The following ASB1 variants were observed in gnomAD, a reference collection of about 807,000 sequenced individuals.
The protein encoded by ASB1 is ankyrin repeat and SOCS box protein 1.
In ASB1, 18 loss-of-function variants were observed where a neutral mutation model predicts 27.7. The observed-to-expected ratio is 0.65, with a 90% CI of 0.45 to 0.96. The LOEUF is 0.96. Among genes scored for constraint, ASB1 ranks in the 50% least tolerant of loss-of-function variants. The pLI, the probability that ASB1 is intolerant of heterozygous loss-of-function variation, is 0.00. For missense variants in ASB1, 397 were observed against 451.7 expected (o/e 0.88, Z 1.10); for synonymous variants, 189 against 187.6 (o/e 1.01, Z -0.06).
At chr2:238,446,352 T>G in intron 4 of ASB1, 32 bp from the exon 5 acceptor site, 1 of 1,559,932 alleles carries the variant, frequency 6.4e-7, no homozygotes, top group African/African-American at 1.4e-5. Context: ...TGAACCTTCC[T>G]CTATCCCTCT....
intron 1 of ASB1, among the ~76,000 whole-genome samples, chr2:238,429,685 C>G (rs998824843): frequency 2.0e-5 from 3 of 152,180 alleles, no homozygotes; most frequent in African/African-American, 7.2e-5. Flanking sequence ...GTAATCCCAG[C>G]ACTTTGGGAG....
chr2:238,427,001 C>G lies in ASB1; in HGVS notation c.-70C>G. On this transcript the variant is annotated 5_prime_UTR_variant, in exon 1 of 5. Transcript: ENST00000264607. ...CATTGCCCTCGGCGCCGGAAGTGGT[C>G]GCGGGTCGTTCTGCTTCCTGCCCGA... 1 of 1,189,408 alleles carries G rather than the reference C, an allele frequency of 8.4e-7. No individual in the cohort carries two copies. The highest frequency in any genetic ancestry group is 3.9e-5 in the South Asian group (1 of 25,622). The allele number at this position is 1,189,408 out of a possible 1,614,324, so 73.7% of individuals were successfully genotyped here.
chr2:238,444,376 A>T lies in ASB1; in HGVS notation c.529A>T (p.Thr177Ser). The T allele has an allele frequency of 6.2e-7, 1 of 1,611,416 alleles. No individual in the cohort carries two copies. Residue 177 changes from threonine (T) to serine (S), a missense_variant, in exon 4 of 5, where the codon ACT becomes TCT. Coordinates refer to ENST00000264607, the MANE Select transcript of ASB1 (RefSeq NM_001040445.3). ...GADVDVNHHL[T>S]PDVQPRFSRR... is the part of the protein sequence containing the mutation. ...TGATGTTGACGTCAACCACCACCTG[A>T]CTCCTGATGTCCAGCCTCGATTCTC...
At chr2:238,444,797 CAA>C (rs1702147007) in intron 4 of ASB1, 70 bp downstream of exon 4, 2 of 1,484,706 alleles carry the variant, frequency 1.3e-6, no homozygotes, top group Non-Finnish European at 1.8e-6. Context: ...TAGCAATAAA[CAA>C]AAAACAAAAA....
intron 3 of ASB1, among the ~76,000 whole-genome samples, chr2:238,441,997 T>A (rs1018382820): frequency 2.0e-5 from 3 of 152,216 alleles, no homozygotes; most frequent in Non-Finnish European, 2.9e-5. Flanking sequence ...ATTTTTGGAT[T>A]TTTCCCAATC....
chr2:238,436,911 A>T (rs978015438), intron 3 of ASB1, among the ~76,000 whole-genome samples: 4 of 152,088 alleles, frequency 2.6e-5, no homozygotes, highest in Non-Finnish European at 4.4e-5. Context: ...TTTGATGCTA[A>T]TTGAACTCAT....
intron 4 of ASB1, 126 bp from the exon 5 acceptor site, chr2:238,446,258 G>C (rs1702177930): frequency 9.1e-7 from 1 of 1,096,304 alleles, no homozygotes. Context: ...GTGTTTCACT[G>C]AGCGTTTTGA....
intron 3 of ASB1, among the ~76,000 whole-genome samples, chr2:238,436,748 C>G (rs939299036): frequency 7.0e-6 from 1 of 143,626 alleles, no homozygotes; most frequent in African/African-American, 2.6e-5. Flanking sequence ...ACATATTATA[C>G]TTTGTTAGGT....
chr2:238,427,003 C>T lies in ASB1; in HGVS notation c.-68C>T, dbSNP rs1217224933. 4 of 1,193,842 alleles carry T rather than the reference C, an allele frequency of 3.4e-6. No individual in the cohort carries two copies. The highest frequency in any genetic ancestry group is 4.2e-6 in the Non-Finnish European group (4 of 953,318). The allele number at this position is 1,193,842 out of a possible 1,614,324, so 74.0% of individuals were successfully genotyped here. A position where few individuals can be genotyped will look rare whatever the true frequency, so the allele number is the denominator to read the frequency against. ...TTGCCCTCGGCGCCGGAAGTGGTCG[C>T]GGGTCGTTCTGCTTCCTGCCCGAGG... On this transcript the variant is annotated 5_prime_UTR_variant, in exon 1 of 5. Transcript: ENST00000264607.
At position 238,448,042 on chromosome 2, in the gene ASB1, A is replaced by C. The variant is rs553970225; in HGVS notation, c.*1531A>C. The stretch of plus-strand genomic sequence containing the variant: ...AATGCAATCCGGGAGGTGTTTCCTC[A>C]GCTGAGGTGACACTGTTAGAAGCTG... On this transcript the variant is annotated 3_prime_UTR_variant, in exon 5 of 5. Transcript: ENST00000264607. 1 of 152,516 alleles carries C rather than the reference A, an allele frequency of 6.6e-6. No homozygotes were observed. Among genetic ancestry groups the C allele is most frequent in the East Asian group, 1.9e-4 (1 of 5,180 alleles). 9.4% of individuals were successfully genotyped at this position (152,516 alleles called of 1,614,324 possible).
At chr2:238,431,964 C>T (rs1701878798) in intron 1 of ASB1, among the ~76,000 whole-genome samples, 1 of 152,220 alleles carries the variant, frequency 6.6e-6, no homozygotes, top group African/African-American at 2.4e-5. Flanking sequence ...AAAATGGACA[C>T]ATCCTGTTGG....
chr2:238,428,176 CAT>C (rs1196283734), intron 1 of ASB1, among the ~76,000 whole-genome samples: 2 of 152,228 alleles, frequency 1.3e-5, no homozygotes, highest in Admixed American at 6.5e-5. Flanking sequence ...GATGTCATCT[CAT>C]GTGAGAGTGA....
At chr2:238,427,404 G>A (rs501333) in intron 1 of ASB1, 167,315 of 338,370 alleles carry the variant, frequency 0.49, 46,038 homozygotes, top group Middle Eastern at 0.63. Context: ...AGCCGATACA[G>A]ATTTGATATG....
At chr2:238,432,809 G>A (rs1398848974) in intron 1 of ASB1, among the ~76,000 whole-genome samples, 7 of 151,486 alleles carry the variant, frequency 4.6e-5, no homozygotes, top group South Asian at 2.1e-4. Flanking sequence ...GTGCAGTGGC[G>A]CGATCTTGGC....
chr2:238,439,321 C>A (rs962399907), intron 3 of ASB1, among the ~76,000 whole-genome samples: 1 of 152,012 alleles, frequency 6.6e-6, no homozygotes, highest in African/African-American at 2.4e-5. Context: ...GTGGAAGCCT[C>A]GTTGTCATGT....
chr2:238,436,100 C>A, intron 3 of ASB1, 87 bp downstream of exon 3: 3 of 1,313,598 alleles, frequency 2.3e-6, no homozygotes, highest in Non-Finnish European at 3.0e-6. Context: ...TAGAATTCGG[C>A]TCTTTAGATG....
At position 238,435,725 on chromosome 2, in the gene ASB1, A is replaced by G; in HGVS notation, c.206A>G (p.Lys69Arg). 1 of 1,612,808 alleles carries G rather than the reference A, an allele frequency of 6.2e-7. No individual in the cohort carries two copies. The highest frequency in any genetic ancestry group is 8.5e-7 in the Non-Finnish European group (1 of 1,179,228). Reference sequence around the variant, plus strand: ...TCCTCCTGCAGCCGCATCAACGAGAAGTCTGTCTGGTGCTGTGGCTGGCTC... The same window carrying G: ...TCCTCCTGCAGCCGCATCAACGAGAGGTCTGTCTGGTGCTGTGGCTGGCTC... ...EESYRSRINE[K>R]SVWCCGWLPC... The change falls in exon 3 of 5, where the codon AAG becomes AGG. Residue 69 changes from lysine to arginine, a missense_variant. Lys to Arg is a conservative substitution (Grantham distance 26, BLOSUM62 2). Coordinates refer to ENST00000264607, the MANE Select transcript of ASB1 (RefSeq NM_001040445.3).
rs970002039 is a variant in ASB1 at position 238,436,097 on chromosome 2, C to T, written c.494+84C>T. On this transcript the variant is annotated intron_variant, in intron 3 of 4. Coordinates refer to ENST00000264607, the MANE Select transcript of ASB1 (RefSeq NM_001040445.3). ...TTGCAGTTTTTCTGTCTTTAGAATT[C>T]GGCTCTTTAGATGACTCGCCTGTTT... 20 of 1,359,370 alleles carry T rather than the reference C, an allele frequency of 1.5e-5. No homozygotes were observed. The East Asian group carries it at 3.3e-4, about 22-fold the overall frequency. 84.2% of individuals were successfully genotyped at this position (1,359,370 alleles called of 1,614,324 possible). A position where few individuals can be genotyped will look rare whatever the true frequency, so the allele number is the denominator to read the frequency against.
In ASB1 at chr2:238,448,382, C is replaced by G. The variant is rs375655729; in HGVS notation, c.*1871C>G. ...TGGACTGGGCCTTGTCACTGGAGGTCGTAGGCAGTGGCTCATCACCCTGGT... is the reference window on the plus strand; with the variant it reads ...TGGACTGGGCCTTGTCACTGGAGGTGGTAGGCAGTGGCTCATCACCCTGGT... On this transcript the variant is annotated 3_prime_UTR_variant, in exon 5 of 5. Transcript: ENST00000264607. The G allele has an allele frequency of 6.6e-6, 1 of 152,358 alleles. No individual in the cohort carries two copies. The highest frequency in any genetic ancestry group is 1.5e-5 in the Non-Finnish European group (1 of 68,194). The allele number at this position is 152,358 out of a possible 1,614,324, so 9.4% of individuals were successfully genotyped here. A position where few individuals can be genotyped will look rare whatever the true frequency, so the allele number is the denominator to read the frequency against.
Sources: gnomAD v4.1 joint callset for allele counts (sites outside exome capture counted in the v4.1 genomes callset) on GRCh38, gnomAD v4.1.1 for gene constraint, MANE v1.5 for transcripts, NCBI Gene and HGNC (gene_info 2026-07-23, HGNC 2026-07-21) for gene names.